DCLK1: variants seen among roughly 807,000 people sequenced by gnomAD.
DCLK1 encodes the protein serine/threonine-protein kinase DCLK1.
In DCLK1, 16 loss-of-function variants were observed where a neutral mutation model predicts 86.2. That is an observed-to-expected ratio of 0.19 (90% CI 0.13 to 0.28). The LOEUF (loss-of-function observed/expected upper bound fraction) is 0.28, where lower values mean the gene tolerates loss of function less well. Ranked by LOEUF, DCLK1 falls within the 10% of genes least tolerant of loss-of-function variation. The probability of loss-of-function intolerance (pLI) is 1.00; values close to 1 mark genes in which losing one functional copy is unlikely to be tolerated. For synonymous variants in DCLK1, 369 were observed against 370.5 expected (o/e 1.00, Z 0.05); for missense variants, 590 against 940.2 (o/e 0.63, Z 4.87).
At chr13:35,785,690 G>A (rs746234328) in intron 16 of DCLK1, among the ~76,000 whole-genome samples, 1 of 152,136 alleles carries the variant, frequency 6.6e-6, no homozygotes, top group Non-Finnish European at 1.5e-5. Context: ...AAAAGCAAGC[G>A]CGACTCCCAA....
At chr13:35,823,949 A>AT (rs895253976) in intron 10 of DCLK1, among the ~76,000 whole-genome samples, 12 of 151,398 alleles carry the variant, frequency 7.9e-5, no homozygotes, top group African/African-American at 2.4e-4. Context: ...AACCACACAA[A>AT]TTTTTTTTTT....
intron 3 of DCLK1, among the ~76,000 whole-genome samples, chr13:36,024,007 T>C (rs1881919816): frequency 6.6e-6 from 1 of 151,270 alleles, no homozygotes; most frequent in South Asian, 2.1e-4. Flanking sequence ...GTGGTTCTCC[T>C]GCCTCAGCCT....
At chr13:35,902,112 T>A (rs534787698) in intron 4 of DCLK1, among the ~76,000 whole-genome samples, 1 of 152,342 alleles carries the variant, frequency 6.6e-6, no homozygotes, top group Admixed American at 6.5e-5. Context: ...TAGTTAGGTT[T>A]AATTTGATTC....
At chr13:35,785,319 C>G (rs1248649415) in intron 16 of DCLK1, among the ~76,000 whole-genome samples, 2 of 152,000 alleles carry the variant, frequency 1.3e-5, no homozygotes, top group Non-Finnish European at 2.9e-5. Context: ...GGATGCATTT[C>G]CAGGAAGGGG....
At chr13:36,016,530 A>G (rs1014274750) in intron 3 of DCLK1, among the ~76,000 whole-genome samples, 2 of 152,176 alleles carry the variant, frequency 1.3e-5, no homozygotes, top group African/African-American at 2.4e-5. Flanking sequence ...AGAAAAGCAC[A>G]GCCAATAATT....
intron 8 of DCLK1, among the ~76,000 whole-genome samples, chr13:35,835,641 T>C: frequency 6.6e-6 from 1 of 152,228 alleles, no homozygotes; most frequent in East Asian, 1.9e-4. Flanking sequence ...TGATCGTGTA[T>C]GTATTTCATC....
At chr13:35,921,348 T>A (rs1439911794) in intron 4 of DCLK1, among the ~76,000 whole-genome samples, 2 of 152,094 alleles carry the variant, frequency 1.3e-5, no homozygotes, top group Non-Finnish European at 2.9e-5. Flanking sequence ...TCATCCCACC[T>A]GCCCGGCCAC....
At chr13:36,123,866 T>C (rs542612713) in intron 2 of DCLK1, among the ~76,000 whole-genome samples, 1 of 152,226 alleles carries the variant, frequency 6.6e-6, no homozygotes, top group Non-Finnish European at 1.5e-5. Flanking sequence ...AAGAAGATGG[T>C]GACAAGCATG....
At chr13:36,098,516 T>A (rs1885090153) in intron 3 of DCLK1, among the ~76,000 whole-genome samples, 1 of 152,180 alleles carries the variant, frequency 6.6e-6, no homozygotes. Flanking sequence ...AGAGAGAGAT[T>A]TGCAATTATT....
At chr13:36,027,072 T>A (rs912606545) in intron 3 of DCLK1, among the ~76,000 whole-genome samples, 1 of 152,196 alleles carries the variant, frequency 6.6e-6, no homozygotes, top group African/African-American at 2.4e-5. Context: ...GGATTCAAAC[T>A]ATTTTCACAT....
At chr13:35,820,018 G>A (rs906663742) in intron 11 of DCLK1, among the ~76,000 whole-genome samples, 1 of 152,108 alleles carries the variant, frequency 6.6e-6, no homozygotes, top group Non-Finnish European at 1.5e-5. Context: ...TTGAACTTTT[G>A]TCCATCTGAC....
chr13:35,978,208 T>C (rs1385821759), intron 3 of DCLK1, among the ~76,000 whole-genome samples: 20 of 140,080 alleles, frequency 1.4e-4, no homozygotes, highest in East Asian at 1.0e-3. Flanking sequence ...CTTTTCTTTT[T>C]TTTTTTTTTT....
intron 16 of DCLK1, among the ~76,000 whole-genome samples, chr13:35,781,351 A>T (rs1371361881): frequency 6.6e-6 from 1 of 152,232 alleles, no homozygotes; most frequent in Non-Finnish European, 1.5e-5. Flanking sequence ...AGGTCCATAG[A>T]CTGAAAGGGG....
chr13:35,770,467 A>C lies in DCLK1; in HGVS notation c.*4068T>G, dbSNP rs1331715321. On this transcript the variant is annotated 3_prime_UTR_variant, in exon 17 of 17. Coordinates refer to ENST00000360631, the MANE Select transcript of DCLK1 (RefSeq NM_001330071.2). ...ATTAAGTAAGGAAATCTTTATCCCC[A>C]AAAGAAGCACGTATCTTACCCTCTA... is the stretch of plus-strand genomic sequence containing the variant. 3 of 152,188 alleles carry C rather than the reference A, an allele frequency of 2.0e-5. No homozygotes were observed. Among genetic ancestry groups the C allele is most frequent in the Non-Finnish European group, 2.9e-5 (2 of 68,028 alleles). The allele number at this position is 152,188 out of a possible 1,614,324, so 9.4% of individuals were successfully genotyped here.
chr13:35,958,656 C>G (rs754726721), intron 3 of DCLK1, among the ~76,000 whole-genome samples: 2 of 152,300 alleles, frequency 1.3e-5, no homozygotes, highest in East Asian at 3.9e-4. Flanking sequence ...GAGGACAGAG[C>G]CTTTTGTCTC....
intron 2 of DCLK1, among the ~76,000 whole-genome samples, chr13:36,114,119 TA>T (rs1293719161): frequency 6.6e-6 from 1 of 152,160 alleles, no homozygotes; most frequent in Non-Finnish European, 1.5e-5. Flanking sequence ...ACAAAAACTT[TA>T]AAAATATATT....
At chr13:36,106,438 A>G (rs1885398456) in intron 3 of DCLK1, among the ~76,000 whole-genome samples, 1 of 152,244 alleles carries the variant, frequency 6.6e-6, no homozygotes, top group Non-Finnish European at 1.5e-5. Flanking sequence ...AGGATGGTTT[A>G]ACATGTGCTC....
chr13:36,101,465 A>T (rs555247593), intron 3 of DCLK1, among the ~76,000 whole-genome samples: 24 of 152,358 alleles, frequency 1.6e-4, no homozygotes, highest in African/African-American at 5.8e-4. Context: ...GAAATCAGCT[A>T]AAACTAATGT....
chr13:35,870,268 T>C (rs1437156622), intron 5 of DCLK1, among the ~76,000 whole-genome samples: 1 of 152,064 alleles, frequency 6.6e-6, no homozygotes, highest in Non-Finnish European at 1.5e-5. Context: ...TAGCAGTAAT[T>C]GGTAAAACTC....
Sources: allele counts gnomAD v4.1 joint callset (sites outside exome capture counted in the v4.1 genomes callset), GRCh38; gene constraint gnomAD v4.1.1; transcripts MANE v1.5; gene names NCBI Gene and HGNC (gene_info 2026-07-23, HGNC 2026-07-21).